The following GALM variants were observed in gnomAD, a reference collection of about 807,000 sequenced individuals.
GALM encodes the protein aldose 1-epimerase.
In GALM, 43 loss-of-function variants were observed where a neutral mutation model predicts 37.4. The observed-to-expected ratio is 1.15, with a 90% CI of 0.90 to 1.48. The LOEUF (loss-of-function observed/expected upper bound fraction) is 1.48, where lower values mean the gene tolerates loss of function less well. GALM is among the 40% of genes most tolerant of loss of function. The pLI, the probability that GALM is intolerant of heterozygous loss-of-function variation, is 0.00. For missense variants in GALM, 456 were observed against 419.1 expected (o/e 1.09, Z -0.77); for synonymous variants, 199 against 170.6 (o/e 1.17, Z -1.30).
chr2:38,713,112 C>CAGG (rs1392317913), intron 4 of GALM, among the ~76,000 whole-genome samples: 2 of 152,154 alleles, frequency 1.3e-5, no homozygotes, highest in Non-Finnish European at 2.9e-5. Flanking sequence ...TGGAGGAGAG[C>CAGG]AGGAGGCCCT....
chr2:38,685,759 C>T (rs747149487), intron 3 of GALM, among the ~76,000 whole-genome samples: 5 of 151,800 alleles, frequency 3.3e-5, no homozygotes, highest in Non-Finnish European at 7.4e-5. Context: ...ACTCTGTCTC[C>T]CAGGCTGGAG....
intron 4 of GALM, chr2:38,698,306 C>G (rs1034332147): frequency 2.4e-6 from 2 of 825,274 alleles, no homozygotes; most frequent in African/African-American, 1.8e-5. Context: ...TAGGAGTCAG[C>G]AGTGGTGTAT....
intron 3 of GALM, among the ~76,000 whole-genome samples, chr2:38,687,685 T>C (rs971905529): frequency 1.2e-4 from 18 of 150,568 alleles, no homozygotes; most frequent in African/African-American, 4.4e-4. Flanking sequence ...CACTCCAGCC[T>C]GGGCGACACA....
chr2:38,690,544 G>C (rs770545032), intron 4 of GALM, among the ~76,000 whole-genome samples: 5 of 151,916 alleles, frequency 3.3e-5, no homozygotes, highest in Non-Finnish European at 5.9e-5. Context: ...AGGCTCAGAT[G>C]ATTCTCCCAT....
chr2:38,724,025 T>G (rs1435030768), intron 4 of GALM, among the ~76,000 whole-genome samples: 1 of 151,866 alleles, frequency 6.6e-6, no homozygotes, highest in African/African-American at 2.4e-5. Flanking sequence ...TTCAAGCAAT[T>G]CTTCTGCCTC....
At chr2:38,725,174 A>G (rs1666459278) in intron 4 of GALM, among the ~76,000 whole-genome samples, 1 of 152,222 alleles carries the variant, frequency 6.6e-6, no homozygotes, top group African/African-American at 2.4e-5. Context: ...CTCAGAATAT[A>G]GGTTGGTAAG....
At chr2:38,731,652 C>G in intron 5 of GALM, 83 bp from the exon 6 acceptor site, 1 of 1,012,582 alleles carries the variant, frequency 9.9e-7, no homozygotes, top group Non-Finnish European at 1.5e-6. Context: ...GGTCTGATTC[C>G]TGTCTCAAAG....
Position 38,729,495 on chromosome 2 carries a change from G to A in GALM, c.635-61G>A, listed in dbSNP as rs1175116318. On this transcript the variant is annotated intron_variant, in intron 4 of 6. Coordinates refer to ENST00000272252, the MANE Select transcript of GALM (RefSeq NM_138801.3). ...GTAGAACCAGTGAGCCTTTGTGGAG[G>A]CTCTATATAAAGATGAGACTTGGGC... 21 of 1,490,734 alleles carry A rather than the reference G, an allele frequency of 1.4e-5. No individual in the cohort carries two copies. The East Asian group carries it at 4.6e-4, about 33-fold the overall frequency. 92.3% of individuals were successfully genotyped at this position (1,490,734 alleles called of 1,614,324 possible). A position where few individuals can be genotyped will look rare whatever the true frequency, so the allele number is the denominator to read the frequency against.
intron 1 of GALM, among the ~76,000 whole-genome samples, chr2:38,673,725 G>C (rs1490809308): frequency 6.6e-6 from 1 of 151,672 alleles, no homozygotes; most frequent in African/African-American, 2.4e-5. Context: ...CAGGAGAATG[G>C]CGTGAACCTG....
intron 4 of GALM, among the ~76,000 whole-genome samples, chr2:38,719,171 C>G (rs1216134293): frequency 6.6e-6 from 1 of 151,856 alleles, no homozygotes; most frequent in Non-Finnish European, 1.5e-5. Flanking sequence ...CCCAATTTAC[C>G]CTCCAAGATT....
At chr2:38,724,120 TG>T (rs1448196603) in intron 4 of GALM, among the ~76,000 whole-genome samples, 1 of 152,192 alleles carries the variant, frequency 6.6e-6, no homozygotes, top group African/African-American at 2.4e-5. Flanking sequence ...GGTTTCACCA[TG>T]TTGGCCAGAC....
intron 3 of GALM, among the ~76,000 whole-genome samples, chr2:38,687,901 G>A (rs182238400): frequency 7.2e-5 from 11 of 152,062 alleles, no homozygotes; most frequent in Admixed American, 7.2e-4. Flanking sequence ...CAGCTAACCT[G>A]TCCTAACCCT....
chr2:38,671,367 TG>T (rs1420637309), intron 1 of GALM: 3 of 152,246 alleles, frequency 2.0e-5, no homozygotes, highest in African/African-American at 7.2e-5. Context: ...TCCTCATGGA[TG>T]GGGAGGCCTC....
At chr2:38,731,181 C>T (rs746027949) in intron 5 of GALM, among the ~76,000 whole-genome samples, 6 of 152,000 alleles carry the variant, frequency 3.9e-5, no homozygotes, top group Non-Finnish European at 5.9e-5. Flanking sequence ...GAGCCAAGAT[C>T]GCACCACTGC....
chr2:38,722,345 G>A (rs1463399731), intron 4 of GALM, among the ~76,000 whole-genome samples: 1 of 152,000 alleles, frequency 6.6e-6, no homozygotes, highest in East Asian at 1.9e-4. Flanking sequence ...TCTGGTCTCT[G>A]TATTTATGAA....
chr2:38,708,956 T>C lies in GALM; in HGVS notation c.634+19062T>C, dbSNP rs138331107. Reference sequence around the variant, plus strand: ...GTGGTGGCCTCTGCCGGTGCTTCTGTGGGCTTTCTCCAGCTCTCTCGGCAG... The same window carrying C: ...GTGGTGGCCTCTGCCGGTGCTTCTGCGGGCTTTCTCCAGCTCTCTCGGCAG... On this transcript the variant is annotated intron_variant, in intron 4 of 6. Coordinates refer to ENST00000272252, the MANE Select transcript of GALM (RefSeq NM_138801.3). 4.5e-4 allele frequency among the ~76,000 whole-genome samples: 69 copies of C among 152,232 alleles called. No homozygotes were observed. The East Asian group carries it at 6.0e-3, about 13-fold the overall frequency.
chr2:38,705,326 T>C (rs868752612), intron 4 of GALM, among the ~76,000 whole-genome samples: 1 of 152,144 alleles, frequency 6.6e-6, no homozygotes. Context: ...CAGAGCAGAT[T>C]TGTATTCAGT....
At chr2:38,732,419 T>C (rs1180032209) in intron 6 of GALM, among the ~76,000 whole-genome samples, 4 of 152,222 alleles carry the variant, frequency 2.6e-5, no homozygotes, top group Admixed American at 2.6e-4. Flanking sequence ...GCTACTAACA[T>C]GGGATTTACA....
chr2:38,682,670 G>A (rs1234728699), intron 3 of GALM, among the ~76,000 whole-genome samples: 1 of 152,138 alleles, frequency 6.6e-6, no homozygotes, highest in Non-Finnish European at 1.5e-5. Flanking sequence ...GCCGAGATGA[G>A]TGAATCACCT....
Sources: gnomAD v4.1 joint callset for allele counts (sites outside exome capture counted in the v4.1 genomes callset) on GRCh38, gnomAD v4.1.1 for gene constraint, MANE v1.5 for transcripts, NCBI Gene and HGNC (gene_info 2026-07-23, HGNC 2026-07-21) for gene names.